Variants in PADI4 observed in about 807,000 individuals in gnomAD.
The protein encoded by PADI4 is peptidyl arginine deiminase 4, also known as protein-arginine deiminase type-4.
PADI4 carries 62 observed loss-of-function variants against 75.0 expected under a neutral mutation model. The ratio of observed to expected loss-of-function variants is 0.83; its 90% CI spans 0.67 to 1.02. PADI4 has a LOEUF of 1.02. Ranked by LOEUF, PADI4 falls within the 50% of genes least tolerant of loss-of-function variation. The probability of loss-of-function intolerance (pLI) is 0.00; values close to 1 mark genes in which losing one functional copy is unlikely to be tolerated. For missense variants in PADI4, 845 were observed against 850.5 expected, an observed-to-expected ratio of 0.99 and a Z score of 0.08; for synonymous variants, 361 against 348.1, an observed-to-expected ratio of 1.04 and a Z score of -0.41.
At position 17,346,756 on chromosome 1, in the gene PADI4, T is replaced by A. The variant is rs1570066264; in HGVS notation, c.1047+617T>A. The stretch of plus-strand genomic sequence containing the variant: ...TTTGCCTCGGGACCCTGTCCTTCCA[T>A]GCCGCACCCCTGCGGTGCTGTCTCT... On this transcript the variant is annotated intron_variant, in intron 9 of 15. Transcript: ENST00000375448. This position sits in a 1 kb window ranked among gnomAD's most constrained non-coding sequence, Gnocchi z 4.3. Among the ~76,000 whole-genome samples, 1 of 152,076 alleles carries A rather than the reference T, an allele frequency of 6.6e-6. No homozygotes were observed. The highest frequency in any genetic ancestry group is 1.9e-4 in the East Asian group (1 of 5,162).
chr1:17,341,437 G>A (rs2074416817), intron 6 of PADI4, among the ~76,000 whole-genome samples: 1 of 152,162 alleles, frequency 6.6e-6, no homozygotes, highest in Non-Finnish European at 1.5e-5. Context: ...CACTGATTTG[G>A]TGACAGGTCA....
rs753015063 is a variant in PADI4, at chr1:17,346,121, G to T, written c.1029G>T (p.Met343Ile). 14 of 1,611,934 alleles carry T rather than the reference G, an allele frequency of 8.7e-6. No homozygotes were observed. The African/African-American group carries it at 1.9e-4, about 22-fold the overall frequency. Reference protein sequence around the residue: ...KLTICPEEENMDDQWMQDEME... With the variant: ...KLTICPEEENIDDQWMQDEME... The stretch of plus-strand genomic sequence containing the variant: ...CCATCTGCCCTGAGGAGGAGAACAT[G>T]GATGACCAGTGGATGCAGGTATGTG... Residue 343 changes from methionine to isoleucine, a missense_variant, in exon 9 of 16, where the codon ATG becomes ATT. Physicochemically the swap from Met to Ile is conservative, Grantham distance 10. Coordinates refer to ENST00000375448, the MANE Select transcript of PADI4 (RefSeq NM_012387.3). The surrounding 1 kb of genome is among the most constrained non-coding windows in gnomAD (Gnocchi z 4.3).
At position 17,351,974 on chromosome 1, in the gene PADI4, G is replaced by A. The variant is rs1337381067; in HGVS notation, c.1156-2559G>A. ...AGGTGGGAGGAGAGGCGGCCAGGGA[G>A]GTGATGGGAGGAGAGGCAGTCAGGG... On this transcript the variant is annotated intron_variant, in intron 10 of 15. Transcript: ENST00000375448. 8.7e-4 allele frequency among the ~76,000 whole-genome samples: 46 copies of A among 52,874 alleles called. 2 individuals carry two copies. The highest frequency in any genetic ancestry group is 7.1e-3 in the Admixed American group (37 of 5,192). The allele number at this position is 52,874 out of a possible 152,430, so 34.7% of individuals were successfully genotyped here. A position where few individuals can be genotyped will look rare whatever the true frequency, so the allele number is the denominator to read the frequency against.
chr1:17,319,169 G>C (rs2073992658), intron 1 of PADI4, among the ~76,000 whole-genome samples: 1 of 152,086 alleles, frequency 6.6e-6, no homozygotes, highest in Non-Finnish European at 1.5e-5. Context: ...CTTTTTCTTA[G>C]GAAGATGCTG....
chr1:17,363,685 G>C lies in PADI4; in HGVS notation c.1922G>C (p.Gly641Ala). Residue 641 changes from glycine (G) to alanine (A), a missense_variant, in exon 16 of 16, where the codon GGG becomes GCG. By Grantham distance (60) the Gly-to-Ala change is moderately conservative. Transcript: ENST00000375448. ...TTCTTCACCTACCACATCAGGCATGGGGAGGTGCACTGCGGCACCAACGTG... is the reference window on the plus strand; with the variant it reads ...TTCTTCACCTACCACATCAGGCATGCGGAGGTGCACTGCGGCACCAACGTG... ...NDFFTYHIRHGEVHCGTNVRR... is the reference protein window; with the variant it reads ...NDFFTYHIRHAEVHCGTNVRR... 1.9e-6 allele frequency: 3 copies of C among 1,614,202 alleles called. No individual in the cohort carries two copies. The highest frequency in any genetic ancestry group is 2.5e-6 in the Non-Finnish European group (3 of 1,180,012).
At chr1:17,335,266 C>G (rs1188305363) in intron 3 of PADI4, among the ~76,000 whole-genome samples, 1 of 152,178 alleles carries the variant, frequency 6.6e-6, no homozygotes, top group Non-Finnish European at 1.5e-5. Context: ...AGCACTTACT[C>G]AATTGCCAGG....
At chr1:17,339,914 C>A in intron 6 of PADI4, 101 bp downstream of exon 6, 3 of 1,335,834 alleles carry the variant, frequency 2.2e-6, no homozygotes, top group South Asian at 1.4e-5. Flanking sequence ...CTACTATGTG[C>A]CAAGTTCTAA....
chr1:17,363,115 CAATT>C (rs2074869460), intron 15 of PADI4, among the ~76,000 whole-genome samples: 1 of 150,880 alleles, frequency 6.6e-6, no homozygotes, highest in Non-Finnish European at 1.5e-5. Context: ...CCACACCCAG[CAATT>C]TTTATTTTTG....
At position 17,342,058 on chromosome 1, in the gene PADI4, C is replaced by G. The variant is rs771118952; in HGVS notation, c.768C>G (p.Phe256Leu). ...NMDFYVEALA[F>L]PDTDFPGLIT... ...ACTTCTACGTGGAGGCCCTCGCTTTCCCGGACACCGACTTCCCGGGGCTCA... is the reference window on the plus strand; with the variant it reads ...ACTTCTACGTGGAGGCCCTCGCTTTGCCGGACACCGACTTCCCGGGGCTCA... Residue 256 changes from phenylalanine (F) to leucine (L), a missense_variant, in exon 7 of 16, where the codon TTC (phenylalanine) becomes TTG (leucine). Transcript: ENST00000375448. The G allele has an allele frequency of 1.9e-6, 3 of 1,613,962 alleles. No individual in the cohort carries two copies. The highest frequency in any genetic ancestry group is 2.7e-5 in the African/African-American group (2 of 74,912).
intron 8 of PADI4, 89 bp downstream of exon 8, chr1:17,342,491 T>C: frequency 1.3e-6 from 1 of 774,802 alleles, no homozygotes; most frequent in East Asian, 2.6e-5. Context: ...GGAAAAACAG[T>C]CACCCCTCCC....
chr1:17,328,386 C>A (rs2074149951), intron 1 of PADI4, among the ~76,000 whole-genome samples: 1 of 152,072 alleles, frequency 6.6e-6, no homozygotes, highest in African/African-American at 2.4e-5. Context: ...TGGCTCATGC[C>A]TGTAATCCCA....
intron 1 of PADI4, among the ~76,000 whole-genome samples, chr1:17,329,522 T>C (rs1748039): frequency 0.65 from 98,690 of 151,830 alleles, 32,214 homozygotes; most frequent in Non-Finnish European, 0.67. Context: ...AGAGAAAATA[T>C]ATTTACTGTT....
At chr1:17,318,491 C>T (rs777048886) in intron 1 of PADI4, among the ~76,000 whole-genome samples, 4 of 152,060 alleles carry the variant, frequency 2.6e-5, no homozygotes, top group Non-Finnish European at 4.4e-5. Context: ...GTGCCAAGAC[C>T]GAAATGTCAC....
chr1:17,323,843 C>A (rs369962152), intron 1 of PADI4, among the ~76,000 whole-genome samples: 1 of 135,860 alleles, frequency 7.4e-6, no homozygotes, highest in Non-Finnish European at 1.6e-5. Flanking sequence ...AACAAGCAAA[C>A]AAACAACAAC....
At chr1:17,348,090 C>T (rs2074551993) in intron 10 of PADI4, 42 bp downstream of exon 10, 1 of 1,296,274 alleles carries the variant, frequency 7.7e-7, no homozygotes, top group African/African-American at 1.5e-5. Context: ...TGCCGAAACC[C>T]TCTTGTCTTG....
intron 1 of PADI4, among the ~76,000 whole-genome samples, chr1:17,317,811 A>G (rs908734909): frequency 6.6e-6 from 1 of 151,772 alleles, no homozygotes; most frequent in African/African-American, 2.4e-5. Flanking sequence ...ACTTGAGGCC[A>G]GGAGTTCGAG....
At chr1:17,359,104 G>A (rs1034887163) in intron 14 of PADI4, among the ~76,000 whole-genome samples, 176 bp from the exon 15 acceptor site, 2 of 152,104 alleles carry the variant, frequency 1.3e-5, no homozygotes, top group South Asian at 2.1e-4. Flanking sequence ...AGGGTCCCCC[G>A]AGAGCACTGG....
At chr1:17,355,021 A>G (rs1015621545) in intron 11 of PADI4, among the ~76,000 whole-genome samples, 6 of 152,230 alleles carry the variant, frequency 3.9e-5, no homozygotes, top group Non-Finnish European at 5.9e-5. Context: ...AAAAGTAGAC[A>G]AGATAACTTC....
intron 15 of PADI4, among the ~76,000 whole-genome samples, chr1:17,359,725 A>C (rs2074822890): frequency 6.6e-6 from 1 of 152,232 alleles, no homozygotes; most frequent in African/African-American, 2.4e-5. Context: ...CAGTCCTGCA[A>C]ACCATACATA....
Sources: gnomAD v4.1 joint callset for allele counts (sites outside exome capture counted in the v4.1 genomes callset) on GRCh38, gnomAD v4.1.1 for gene constraint, Gnocchi (gnomAD v3.1) non-coding constraint, MANE v1.5 for transcripts, NCBI Gene and HGNC (gene_info 2026-07-23, HGNC 2026-07-21) for gene names.